WDFY4: variants seen among roughly 807,000 people sequenced by gnomAD.
The protein encoded by WDFY4 is WDFY family member 4, also known as WD repeat- and FYVE domain-containing protein 4.
A neutral mutation model predicts 351.9 loss-of-function variants in WDFY4; 169 were observed. That is an observed-to-expected ratio of 0.48 (90% CI 0.42 to 0.55). The LOEUF (loss-of-function observed/expected upper bound fraction) is 0.55. Among genes scored for constraint, WDFY4 ranks in the 20% least tolerant of loss-of-function variants. The pLI is 0.00. For missense variants in WDFY4, 3,803 were observed against 3,935.6 expected (o/e 0.97, Z 0.90); for synonymous variants, 1,622 against 1,574.6 (o/e 1.03, Z -0.71).
rs183911278 is a variant in WDFY4 at position 48,813,273 on chromosome 10, A to C, written c.5215-684A>C. Among the ~76,000 whole-genome samples, 427 of 152,366 alleles carry C rather than the reference A, an allele frequency of 2.8e-3. 2 individuals are homozygous for C. Among genetic ancestry groups the C allele is most frequent in the African/African-American group, 9.6e-3 (398 of 41,598 alleles). ...ATCTTTATAATTGACAAATCTAAAT[A>C]TTGACATATGCTAATAGCATTGTAT... On this transcript the variant is annotated intron_variant, in intron 30 of 61. Transcript: ENST00000325239.
intron 23 of WDFY4, among the ~76,000 whole-genome samples, chr10:48,795,532 TATACACAC>T (rs1297696191): frequency 0.01 from 763 of 74,606 alleles, 3 homozygotes; most frequent in Middle Eastern, 0.044. Flanking sequence ...TACATATATA[TATACACAC>T]ACATGAATAG....
intron 54 of WDFY4, among the ~76,000 whole-genome samples, chr10:48,965,412 G>C (rs941113576): frequency 2.0e-5 from 3 of 152,194 alleles, no homozygotes; most frequent in African/African-American, 7.2e-5. Context: ...GCTACTCCCA[G>C]TCACCTTGAA....
intron 40 of WDFY4, among the ~76,000 whole-genome samples, chr10:48,870,863 T>C (rs1395488911): frequency 6.6e-6 from 1 of 152,130 alleles, no homozygotes; most frequent in Admixed American, 6.5e-5. Context: ...CAAGGCAACA[T>C]GTGTGCTCTG....
At chr10:48,895,908 T>C (rs746762509) in intron 44 of WDFY4, among the ~76,000 whole-genome samples, 1 of 152,024 alleles carries the variant, frequency 6.6e-6, no homozygotes, top group Non-Finnish European at 1.5e-5. Context: ...GCCCAGGAGG[T>C]GGGTCCCTCA....
At chr10:48,812,114 A>G (rs768713717) in intron 30 of WDFY4, among the ~76,000 whole-genome samples, 1 of 151,672 alleles carries the variant, frequency 6.6e-6, no homozygotes, top group Non-Finnish European at 1.5e-5. Flanking sequence ...AAGGCTGGTC[A>G]TGGATTCCTT....
chr10:48,776,670 G>T, intron 15 of WDFY4, 80 bp from the exon 16 acceptor site: 3 of 1,320,364 alleles, frequency 2.3e-6, no homozygotes, highest in Admixed American at 2.8e-5. Context: ...GGCTGCGGCA[G>T]ATACTTTGGG....
chr10:48,800,298 C>T (rs1035236505), intron 24 of WDFY4, among the ~76,000 whole-genome samples: 10 of 152,190 alleles, frequency 6.6e-5, no homozygotes, highest in Admixed American at 1.3e-4. Context: ...TAATGAGACA[C>T]ATCCTCAGAG....
intron 1 of WDFY4, among the ~76,000 whole-genome samples, chr10:48,701,924 G>A (rs1210000686): frequency 6.6e-6 from 1 of 152,224 alleles, no homozygotes; most frequent in Non-Finnish European, 1.5e-5. Context: ...CATCCCCACT[G>A]TACAGGATAA....
intron 24 of WDFY4, among the ~76,000 whole-genome samples, chr10:48,798,381 G>A (rs968727800): frequency 4.6e-5 from 7 of 151,796 alleles, no homozygotes; most frequent in East Asian, 1.9e-4. Flanking sequence ...ACAGACAAAC[G>A]TCTGTTAAGA....
intron 25 of WDFY4, among the ~76,000 whole-genome samples, chr10:48,804,578 A>G (rs2132863279): frequency 6.6e-6 from 1 of 151,734 alleles, no homozygotes; most frequent in Non-Finnish European, 1.5e-5. Context: ...AAAAAAAAAA[A>G]AAAAGACAGT....
rs537171833 is a variant in WDFY4, at chr10:48,900,315, T to C, written c.7523+9T>C. 2.1e-5 allele frequency: 32 copies of C among 1,548,600 alleles called. No homozygotes were observed. The South Asian group carries it at 3.6e-4, about 17-fold the overall frequency. Reference sequence around the variant, plus strand: ...AGTAAGGCCTTTAAAAGGTAAGAGCTTGAAAATCCTCCTTCTGAGGAAACT... The same window carrying C: ...AGTAAGGCCTTTAAAAGGTAAGAGCCTGAAAATCCTCCTTCTGAGGAAACT... On this transcript the variant is annotated intron_variant, in intron 46 of 61. Coordinates refer to ENST00000325239, the MANE Select transcript of WDFY4 (RefSeq NM_001394531.1).
At chr10:48,730,669 C>A (rs1034021059) in intron 8 of WDFY4, among the ~76,000 whole-genome samples, 1 of 152,176 alleles carries the variant, frequency 6.6e-6, no homozygotes, top group Non-Finnish European at 1.5e-5. Context: ...AAATACAATG[C>A]AATGCACGTT....
chr10:48,837,055 G>T (rs559617404), intron 39 of WDFY4, among the ~76,000 whole-genome samples: 1 of 151,996 alleles, frequency 6.6e-6, no homozygotes, highest in Admixed American at 6.6e-5. Context: ...ACAGGTGAAG[G>T]GTAGATGAAA....
chr10:48,950,397 C>T (rs1277288511), intron 51 of WDFY4, among the ~76,000 whole-genome samples: 32 of 152,226 alleles, frequency 2.1e-4, no homozygotes, highest in Non-Finnish European at 3.2e-4. Context: ...GTCTGCGCCC[C>T]TGTATTTGTA....
intron 11 of WDFY4, among the ~76,000 whole-genome samples, chr10:48,737,476 ATACT>A (rs1162734933): frequency 3.3e-5 from 5 of 152,180 alleles, no homozygotes; most frequent in African/African-American, 1.2e-4. Context: ...TTGTTTCATC[ATACT>A]TACTTTATTT....
At chr10:48,831,806 A>T (rs1201421592) in intron 38 of WDFY4, among the ~76,000 whole-genome samples, 1 of 152,198 alleles carries the variant, frequency 6.6e-6, no homozygotes, top group Non-Finnish European at 1.5e-5. Context: ...ATCCTCTGTA[A>T]GGGAGAAATG....
chr10:48,743,061 G>A lies in WDFY4; in HGVS notation c.1972G>A (p.Glu658Lys), dbSNP rs747294517. ...NGLLSLLSDL[E>K]GSLQEPPLQA... ...GCTGCTGTCTCTGCTCTCTGACCTG[G>A]AAGGCTCCCTCCAGGAGCCCCCGCT... Residue 658 changes from glutamate (E) to lysine (K), a missense_variant, in exon 12 of 62, where the codon GAA (glutamate) becomes AAA (lysine). Glu to Lys is a moderately conservative substitution (Grantham distance 56). Around this residue, in one of 3 missense-constraint regions of WDFY4, gnomAD observed 3,054 missense variants for 3,148.6 expected, o/e 0.97. Coordinates refer to ENST00000325239, the MANE Select transcript of WDFY4 (RefSeq NM_001394531.1). 191 of 1,551,548 alleles carry A rather than the reference G, an allele frequency of 1.2e-4. No individual in the cohort carries two copies. Among genetic ancestry groups the A allele is most frequent in the Non-Finnish European group, 1.6e-4 (184 of 1,147,006 alleles).
Position 48,756,783 on chromosome 10 carries a change from C to G in WDFY4, c.2460-3564C>G, listed in dbSNP as rs7922895. Among the ~76,000 whole-genome samples, 636 of 152,154 alleles carry G rather than the reference C, an allele frequency of 4.2e-3. 4 individuals are homozygous for G. The highest frequency in any genetic ancestry group is 0.015 in the African/African-American group (605 of 41,536). ...GAATATTAAACTTGCCTTGCATTTA[C>G]GGGTAGTCCAATTGGCCATAGTACC... On this transcript the variant is annotated intron_variant, in intron 12 of 61. Transcript: ENST00000325239.
At chr10:48,859,992 C>T (rs1301428869) in intron 39 of WDFY4, among the ~76,000 whole-genome samples, 1 of 152,164 alleles carries the variant, frequency 6.6e-6, no homozygotes, top group African/African-American at 2.4e-5. Flanking sequence ...GTGTACAGTT[C>T]CTGGTATTAC....
Sources: gnomAD v4.1 joint callset for allele counts (sites outside exome capture counted in the v4.1 genomes callset) on GRCh38, gnomAD v4.1.1 for gene constraint, gnomAD v4.1.1 regional missense constraint, MANE v1.5 for transcripts, NCBI Gene and HGNC (gene_info 2026-07-23, HGNC 2026-07-21) for gene names.